The following SLC7A1 variants were observed in gnomAD, a reference collection of about 807,000 sequenced individuals.
SLC7A1 encodes high affinity cationic amino acid transporter 1.
In SLC7A1, 10 loss-of-function variants were observed where a neutral mutation model predicts 53.9. The observed-to-expected ratio is 0.19, with a 90% CI of 0.11 to 0.31. The LOEUF (loss-of-function observed/expected upper bound fraction) is 0.31. Among genes scored for constraint, SLC7A1 ranks in the 10% least tolerant of loss-of-function variants. The pLI, the probability that SLC7A1 is intolerant of heterozygous loss-of-function variation, is 1.00. For synonymous variants in SLC7A1, 342 were observed against 338.7 expected (o/e 1.01, Z -0.11); for missense variants, 525 against 827.2 (o/e 0.63, Z 4.48).
At chr13:29,584,005 A>G (rs1002514724) in intron 1 of SLC7A1, among the ~76,000 whole-genome samples, 1 of 152,238 alleles carries the variant, frequency 6.6e-6, no homozygotes, top group Non-Finnish European at 1.5e-5. Flanking sequence ...ACTTGCAATA[A>G]CAGAGTCATC....
intron 1 of SLC7A1, among the ~76,000 whole-genome samples, chr13:29,556,696 T>C (rs1870455057): frequency 1.3e-5 from 2 of 152,166 alleles, no homozygotes; most frequent in African/African-American, 4.8e-5. Context: ...TAATTTCCAA[T>C]TCATAAGTAT....
At chr13:29,543,890 C>T (rs1431318477) in intron 2 of SLC7A1, among the ~76,000 whole-genome samples, 1 of 152,044 alleles carries the variant, frequency 6.6e-6, no homozygotes, top group Non-Finnish European at 1.5e-5. Flanking sequence ...TGAGGCTCTA[C>T]CACAGGTGCC....
Position 29,532,957 on chromosome 13 carries a change from C to G in SLC7A1, c.396G>C (p.Trp132Cys). ...CTATCAGCTCGTCGAAGGTGGCGCT[C>G]CAGGCCCTCGCTACGCTTGAAGTAC... ...IIGTSSVARA[W>C]SATFDELIGR... Residue 132 changes from tryptophan to cysteine, a missense_variant, in exon 4 of 13, where the codon TGG (tryptophan) becomes TGC (cysteine). By Grantham distance (215) the Trp-to-Cys change is radical. Transcript: ENST00000380752. The G allele has an allele frequency of 6.2e-7, 1 of 1,613,696 alleles. No individual in the cohort carries two copies. Among genetic ancestry groups the G allele is most frequent in the African/African-American group, 1.3e-5 (1 of 75,048 alleles).
chr13:29,587,712 G>A (rs2139192081), intron 1 of SLC7A1, among the ~76,000 whole-genome samples: 1 of 152,314 alleles, frequency 6.6e-6, no homozygotes, highest in African/African-American at 2.4e-5. Flanking sequence ...TTCCCCACCT[G>A]GAGGATATGC....
At chr13:29,592,459 C>T (rs528383797) in intron 1 of SLC7A1, among the ~76,000 whole-genome samples, 7 of 152,322 alleles carry the variant, frequency 4.6e-5, no homozygotes, top group African/African-American at 1.7e-4. Context: ...CACATCTGAA[C>T]GAATGCCTTG....
At chr13:29,581,387 G>A (rs114282433) in intron 1 of SLC7A1, among the ~76,000 whole-genome samples, 1,800 of 151,928 alleles carry the variant, frequency 0.012, 30 homozygotes, top group African/African-American at 0.04. Flanking sequence ...GCAAACCCCC[G>A]TGCTAGGCAT....
chr13:29,592,738 C>T (rs1453704264), intron 1 of SLC7A1, among the ~76,000 whole-genome samples: 1 of 152,122 alleles, frequency 6.6e-6, no homozygotes, highest in African/African-American at 2.4e-5. Flanking sequence ...ACTCTGTTCC[C>T]TCACGGGAAG....
intron 1 of SLC7A1, among the ~76,000 whole-genome samples, chr13:29,567,721 C>A (rs1389534430): frequency 6.6e-6 from 1 of 152,186 alleles, no homozygotes; most frequent in Admixed American, 6.5e-5. Flanking sequence ...CCCACAAAGA[C>A]AAATAAGTCT....
intron 1 of SLC7A1, among the ~76,000 whole-genome samples, chr13:29,576,492 C>T (rs867932219): frequency 4.7e-4 from 71 of 152,226 alleles, no homozygotes; most frequent in African/African-American, 1.6e-3. Flanking sequence ...ACTCTCCCTA[C>T]ATTCCAAAGG....
intron 5 of SLC7A1, among the ~76,000 whole-genome samples, chr13:29,524,971 C>A (rs771840060): frequency 6.6e-6 from 1 of 152,214 alleles, no homozygotes; most frequent in Non-Finnish European, 1.5e-5. Flanking sequence ...TGCCGAGACA[C>A]GGTGCCCAGG....
chr13:29,525,304 C>T (rs771390591), intron 5 of SLC7A1, among the ~76,000 whole-genome samples: 20 of 152,206 alleles, frequency 1.3e-4, no homozygotes, highest in Non-Finnish European at 1.6e-4. Context: ...CTGTCCTGTG[C>T]CAGGGTCCCA....
At chr13:29,565,880 A>G (rs1014833719) in intron 1 of SLC7A1, among the ~76,000 whole-genome samples, 54 of 152,208 alleles carry the variant, frequency 3.5e-4, no homozygotes, top group African/African-American at 1.2e-3. Context: ...ACGCAGCAGC[A>G]TCTATACAGA....
chr13:29,556,506 G>A (rs1870447240), intron 1 of SLC7A1, among the ~76,000 whole-genome samples: 2 of 152,058 alleles, frequency 1.3e-5, no homozygotes, highest in Non-Finnish European at 2.9e-5. Context: ...AGCCCCCCAA[G>A]TAGCTGGGAC....
intron 2 of SLC7A1, among the ~76,000 whole-genome samples, chr13:29,537,049 C>A (rs893378524): frequency 6.6e-6 from 1 of 152,234 alleles, no homozygotes; most frequent in Non-Finnish European, 1.5e-5. Flanking sequence ...CCACCTTGCC[C>A]GACCAGATGC....
intron 3 of SLC7A1, among the ~76,000 whole-genome samples, chr13:29,534,132 A>G (rs1292420606): frequency 1.3e-5 from 2 of 152,202 alleles, no homozygotes; most frequent in African/African-American, 4.8e-5. Context: ...GCTCAGTGAC[A>G]GGGGCTACCC....
intron 1 of SLC7A1, among the ~76,000 whole-genome samples, chr13:29,595,071 C>G (rs1403369819): frequency 1.3e-5 from 2 of 152,146 alleles, no homozygotes; most frequent in African/African-American, 2.4e-5. Flanking sequence ...CCGACCACCC[C>G]GTGCGTAGCG....
chr13:29,557,167 G>C (rs55651725), intron 1 of SLC7A1, among the ~76,000 whole-genome samples: 21,575 of 152,174 alleles, frequency 0.14, 2,042 homozygotes, highest in African/African-American at 0.27. Flanking sequence ...CGCCTCAGAC[G>C]TAAAGAGTTT....
At chr13:29,557,756 G>A (rs1427681874) in intron 1 of SLC7A1, among the ~76,000 whole-genome samples, 3 of 112,774 alleles carry the variant, frequency 2.7e-5, no homozygotes, top group Middle Eastern at 4.4e-3. Flanking sequence ...GAATGTGAGG[G>A]AGGAGTGAAT....
intron 1 of SLC7A1, among the ~76,000 whole-genome samples, chr13:29,569,957 A>G (rs551005569): frequency 6.6e-6 from 1 of 152,316 alleles, no homozygotes; most frequent in African/African-American, 2.4e-5. Flanking sequence ...TAGCCTGGCC[A>G]CAGACGTCCT....
Sources: gnomAD v4.1 joint callset for allele counts (sites outside exome capture counted in the v4.1 genomes callset) on GRCh38, gnomAD v4.1.1 for gene constraint, MANE v1.5 for transcripts, NCBI Gene and HGNC (gene_info 2026-07-23, HGNC 2026-07-21) for gene names.